SNX29: variants seen among roughly 807,000 people sequenced by gnomAD.
SNX29 encodes sorting nexin-29.
SNX29 carries 78 observed loss-of-function variants against 102.1 expected under a neutral mutation model. That is an observed-to-expected ratio of 0.76 (90% confidence interval 0.64 to 0.92). The LOEUF is 0.92. SNX29 is among the 40% of genes least tolerant of loss of function. The pLI is 0.00. For missense variants in SNX29, 1,280 were observed against 1,061.7 expected, an observed-to-expected ratio of 1.21 and a Z score of -2.86; for synonymous variants, 580 against 414.5, an observed-to-expected ratio of 1.40 and a Z score of -4.85.
intron 11 of SNX29, chr16:12,081,565 G>C (rs1473612518): frequency 2.6e-5 from 4 of 151,840 alleles, no homozygotes; most frequent in African/African-American, 9.7e-5. Flanking sequence ...CCAGCTACTC[G>C]GGAGGCTGAG....
At chr16:12,276,727 C>G (rs990133498) in intron 14 of SNX29, among the ~76,000 whole-genome samples, 9 of 152,104 alleles carry the variant, frequency 5.9e-5, no homozygotes, top group African/African-American at 1.4e-4. Flanking sequence ...CTTCCCTGTT[C>G]TTGTTTTCTG....
intron 14 of SNX29, among the ~76,000 whole-genome samples, chr16:12,229,321 A>G (rs1179878790): frequency 3.9e-5 from 6 of 152,212 alleles, no homozygotes; most frequent in Admixed American, 3.9e-4. Context: ...GTGTGCATGA[A>G]TGAATAATGG....
In SNX29 at chr16:12,173,004, C is replaced by G. The variant is rs953083060; in HGVS notation, c.1596-26597C>G. ...TATTTGGGAAGCAAGAATTGGAATTCAGGGTGTACACACAGACCAGGTGGT... is the reference window on the plus strand; with the variant it reads ...TATTTGGGAAGCAAGAATTGGAATTGAGGGTGTACACACAGACCAGGTGGT... On this transcript the variant is annotated intron_variant, in intron 13 of 20. Transcript: ENST00000566228. Among the ~76,000 whole-genome samples the G allele has an allele frequency of 4.6e-5, 7 of 152,142 alleles. No individual in the cohort carries two copies. The South Asian group carries it at 1.4e-3, about 31-fold the overall frequency.
chr16:12,114,786 A>T (rs1056388237), intron 11 of SNX29, among the ~76,000 whole-genome samples: 1 of 152,032 alleles, frequency 6.6e-6, no homozygotes, highest in Admixed American at 6.6e-5. Flanking sequence ...ACGGGGTTTC[A>T]GCATGTTGGC....
At chr16:12,091,039 G>GAAAAAAAAA in intron 11 of SNX29, among the ~76,000 whole-genome samples, 1 of 111,180 alleles carries the variant, frequency 9.0e-6, no homozygotes, top group African/African-American at 3.7e-5. Context: ...AAAAAAAAAA[G>GAAAAAAAAA]AAAGAAAAAG....
intron 13 of SNX29, among the ~76,000 whole-genome samples, chr16:12,166,494 G>A (rs187520154): frequency 3.9e-5 from 6 of 152,308 alleles, no homozygotes; most frequent in East Asian, 1.9e-4. Context: ...GCAGGAAGGC[G>A]GGGGGCATAG....
chr16:12,102,180 GGTTGGTTCTAAGTCTTTGCTATT>G (rs1165496126), intron 11 of SNX29, among the ~76,000 whole-genome samples: 1 of 152,142 alleles, frequency 6.6e-6, no homozygotes, highest in African/African-American at 2.4e-5. Context: ...TGGGCATTTG[GGTTGGTTCTAAGTCTTTGCTATT>G]GTGAATAGTG....
intron 20 of SNX29, among the ~76,000 whole-genome samples, chr16:12,541,851 A>T (rs2077356928): frequency 6.6e-6 from 1 of 152,120 alleles, no homozygotes; most frequent in Admixed American, 6.5e-5. Context: ...GCTTTGTAGC[A>T]CATGCCTGGA....
At chr16:12,065,972 G>A (rs1315202341) in intron 9 of SNX29, among the ~76,000 whole-genome samples, 1 of 152,194 alleles carries the variant, frequency 6.6e-6, no homozygotes, top group African/African-American at 2.4e-5. Flanking sequence ...TTAAGGATGA[G>A]ACGGTCTATG....
At chr16:12,147,570 A>G (rs2055115719) in intron 13 of SNX29, among the ~76,000 whole-genome samples, 1 of 152,200 alleles carries the variant, frequency 6.6e-6, no homozygotes, top group South Asian at 2.1e-4. Flanking sequence ...AGGTGTGGCC[A>G]CTAAGTAAAT....
intron 18 of SNX29, among the ~76,000 whole-genome samples, chr16:12,460,270 C>G (rs890837707): frequency 2.0e-5 from 3 of 152,180 alleles, no homozygotes; most frequent in African/African-American, 7.2e-5. Context: ...AGGGGGAAAC[C>G]CTAAAACTGT....
At chr16:12,566,970 G>T (rs187627591) in intron 20 of SNX29, among the ~76,000 whole-genome samples, 93 of 152,346 alleles carry the variant, frequency 6.1e-4, no homozygotes, top group South Asian at 2.1e-3. Context: ...GATCTCACTC[G>T]CACAGTGGCC....
chr16:12,108,675 G>T (rs1303785809), intron 11 of SNX29, among the ~76,000 whole-genome samples: 1 of 152,180 alleles, frequency 6.6e-6, no homozygotes, highest in East Asian at 1.9e-4. Flanking sequence ...GGCCATCAGG[G>T]AGGTTCAGTC....
At chr16:12,189,179 T>A (rs2076583004) in intron 13 of SNX29, among the ~76,000 whole-genome samples, 1 of 152,246 alleles carries the variant, frequency 6.6e-6, no homozygotes, top group Non-Finnish European at 1.5e-5. Context: ...ACATTCTCCT[T>A]TGTAATAACA....
intron 20 of SNX29, among the ~76,000 whole-genome samples, chr16:12,564,473 C>G (rs113174840): frequency 6.6e-6 from 1 of 151,820 alleles, no homozygotes; most frequent in Non-Finnish European, 1.5e-5. Flanking sequence ...GGTTATGGAT[C>G]TTTCTCCAAG....
At chr16:12,328,174 G>A (rs1016535236) in intron 15 of SNX29, among the ~76,000 whole-genome samples, 3 of 152,164 alleles carry the variant, frequency 2.0e-5, no homozygotes, top group East Asian at 1.9e-4. Context: ...AGTGCCTCCC[G>A]CAGAGTAGAC....
At chr16:12,536,076 C>T (rs1010501648) in intron 20 of SNX29, among the ~76,000 whole-genome samples, 1 of 152,150 alleles carries the variant, frequency 6.6e-6, no homozygotes, top group African/African-American at 2.4e-5. Context: ...TCATCTAACA[C>T]ACCCAGGATG....
chr16:12,561,835 C>T (rs1020979600), intron 20 of SNX29, among the ~76,000 whole-genome samples: 3 of 152,186 alleles, frequency 2.0e-5, no homozygotes, highest in East Asian at 1.9e-4. Context: ...CTTCTCCCTG[C>T]AGGGGAGGGG....
chr16:12,200,897 G>A (rs1164120032), intron 14 of SNX29, among the ~76,000 whole-genome samples: 1 of 152,180 alleles, frequency 6.6e-6, no homozygotes, highest in African/African-American at 2.4e-5. Flanking sequence ...AGTGTCATGA[G>A]AGCATTGTGA....
Sources: allele counts gnomAD v4.1 joint callset (sites outside exome capture counted in the v4.1 genomes callset), GRCh38; gene constraint gnomAD v4.1.1; transcripts MANE v1.5; gene names NCBI Gene and HGNC (gene_info 2026-07-23, HGNC 2026-07-21).